The following TSPAN4 variants were observed in gnomAD, a reference collection of about 807,000 sequenced individuals.
TSPAN4 encodes the protein tetraspanin 4.
A neutral mutation model predicts 31.5 loss-of-function variants in TSPAN4; 38 were observed. The ratio of observed to expected loss-of-function variants is 1.21; its 90% confidence interval spans 0.93 to 1.58. The LOEUF (loss-of-function observed/expected upper bound fraction) is 1.58. Ranked by LOEUF, TSPAN4 falls within the 40% of genes most tolerant of loss-of-function variation. The pLI is 0.00. For missense variants in TSPAN4, 330 were observed against 317.3 expected, an observed-to-expected ratio of 1.04 and a Z score of -0.30; for synonymous variants, 186 against 144.6, an observed-to-expected ratio of 1.29 and a Z score of -2.06.
chr11:857,070 C>T (rs1290821875), intron 3 of TSPAN4: 2 of 152,062 alleles, frequency 1.3e-5, no homozygotes, highest in African/African-American at 4.8e-5. Flanking sequence ...GTGACCGAGC[C>T]CGTCTGGTGA....
chr11:863,280 G>A (rs1455196348), intron 4 of TSPAN4: 1 of 152,334 alleles, frequency 6.6e-6, no homozygotes, highest in African/African-American at 2.4e-5. Flanking sequence ...AAAAGGAAAA[G>A]GGCTCCTAGA....
At position 861,568 on chromosome 11, in the gene TSPAN4, T is replaced by C. The variant is rs180908417; in HGVS notation, c.64-982T>C. Reference sequence around the variant, plus strand: ...TCTACTAAAAGTACAAAAAATTAGCTGGGCGTGGTGGCGGGCGCCTGTAGT... The same window carrying C: ...TCTACTAAAAGTACAAAAAATTAGCCGGGCGTGGTGGCGGGCGCCTGTAGT... On this transcript the variant is annotated intron_variant, in intron 3 of 8. Coordinates refer to ENST00000397397, the MANE Select transcript of TSPAN4 (RefSeq NM_003271.5). Among the ~76,000 whole-genome samples, 403 of 152,082 alleles carry C rather than the reference T, an allele frequency of 2.6e-3. 2 individuals carry two copies. The highest frequency in any genetic ancestry group is 9.3e-3 in the African/African-American group (384 of 41,500).
chr11:847,867 C>T (rs1304995770), intron 2 of TSPAN4, among the ~76,000 whole-genome samples: 2 of 152,166 alleles, frequency 1.3e-5, no homozygotes, highest in African/African-American at 4.8e-5. Context: ...CCCCTTCCAC[C>T]CCCAGCCACA....
At chr11:862,459 C>G in intron 3 of TSPAN4, 91 bp from the exon 4 acceptor site, 1 of 1,261,204 alleles carries the variant, frequency 7.9e-7, no homozygotes, top group Non-Finnish European at 1.1e-6. Flanking sequence ...GGCGGCATGG[C>G]TTTGGGCTTG....
chr11:845,323 G>A (rs951318693), intron 1 of TSPAN4, among the ~76,000 whole-genome samples: 3 of 152,192 alleles, frequency 2.0e-5, no homozygotes, highest in South Asian at 4.1e-4. Context: ...TACCCACGCC[G>A]TCCGTGTCCT....
intron 3 of TSPAN4, among the ~76,000 whole-genome samples, chr11:856,361 G>A (rs1232538691): frequency 4.0e-5 from 6 of 151,462 alleles, no homozygotes. Context: ...CCTGGGGACA[G>A]GTTCTGGGCA....
intron 3 of TSPAN4, among the ~76,000 whole-genome samples, chr11:852,247 C>G (rs1019636262): frequency 6.6e-6 from 1 of 152,156 alleles, no homozygotes; most frequent in Non-Finnish European, 1.5e-5. Context: ...CCTCAGCTTC[C>G]CGAATTGCTG....
At chr11:846,034 A>G (rs1274900925) in intron 1 of TSPAN4, among the ~76,000 whole-genome samples, 1 of 152,152 alleles carries the variant, frequency 6.6e-6, no homozygotes, top group African/African-American at 2.4e-5. Context: ...GGAAGCCCAC[A>G]GCATAGGCTG....
chr11:864,285 C>T (rs1175331870), intron 4 of TSPAN4, 152 bp from the exon 5 acceptor site: 25 of 850,348 alleles, frequency 2.9e-5, no homozygotes, highest in East Asian at 2.1e-4. Context: ...GAGGTGGGGG[C>T]GGCGTTCTGG....
rs760596142 is a variant in TSPAN4 at position 864,515 on chromosome 11, C to T, written c.330+4C>T. ...CTTCTTCGCCTACACGGACAAGGTA[C>T]GGCTGCCTTGGCCGCAGGCCCAACT... On this transcript the variant is annotated splice_donor_region_variant and intron_variant, in intron 5 of 8. Coordinates refer to ENST00000397397, the MANE Select transcript of TSPAN4 (RefSeq NM_003271.5). 2.0e-5 allele frequency: 33 copies of T among 1,611,782 alleles called. No homozygotes were observed. Among genetic ancestry groups the T allele is most frequent in the East Asian group, 1.6e-4 (7 of 44,890 alleles).
At chr11:862,281 G>A in intron 3 of TSPAN4, 2 of 510,406 alleles carry the variant, frequency 3.9e-6, no homozygotes, top group Non-Finnish European at 3.5e-6. Context: ...CCTCCTAGAG[G>A]GAGTGGTTCA....
chr11:865,927 G>GA lies in TSPAN4; in HGVS notation c.575dup (p.Thr193AspfsTer192). 6.2e-7 allele frequency: 1 copy of GA among 1,613,166 alleles called. No homozygotes were observed. Among genetic ancestry groups the GA allele is most frequent in the Non-Finnish European group, 8.5e-7 (1 of 1,179,994 alleles). ...ACATCCCTCCCTGCAGCCGTGCTAC[G>GA]AGACGGTGAAGGTGTGGCTTCAGGA... is the stretch of plus-strand genomic sequence containing the variant. On this transcript the variant is annotated frameshift_variant, in exon 8 of 9. Transcript: ENST00000397397. LOFTEE classifies it high-confidence loss of function.
At chr11:843,329 G>A (rs1222710307) in intron 1 of TSPAN4, 3 of 152,254 alleles carry the variant, frequency 2.0e-5, no homozygotes, top group Non-Finnish European at 4.4e-5. Flanking sequence ...AATGGGGTCG[G>A]GGTGCGCCCT....
chr11:846,066 ACCT>A (rs1847306903), intron 1 of TSPAN4, among the ~76,000 whole-genome samples: 4 of 151,968 alleles, frequency 2.6e-5, no homozygotes, highest in Admixed American at 2.6e-4. Context: ...GGGCCTCCCT[ACCT>A]CCTCAAAGCT....
At chr11:866,241 C>T (rs771186649) in intron 8 of TSPAN4, among the ~76,000 whole-genome samples, 5 of 150,806 alleles carry the variant, frequency 3.3e-5, no homozygotes, top group Non-Finnish European at 5.9e-5. Flanking sequence ...CCATGTTGGT[C>T]GGTGGCCCAG....
intron 3 of TSPAN4, 87 bp from the exon 4 acceptor site, chr11:862,463 G>C: frequency 7.8e-7 from 1 of 1,283,196 alleles, no homozygotes; most frequent in Non-Finnish European, 1.1e-6. Flanking sequence ...GCATGGCTTT[G>C]GGCTTGTGGG....
At chr11:862,522 C>G (rs1565145059) in intron 3 of TSPAN4, 28 bp from the exon 4 acceptor site, 2 of 1,578,510 alleles carry the variant, frequency 1.3e-6, no homozygotes, top group Admixed American at 3.5e-5. Context: ...CTCACCCTGT[C>G]TGTGTCTCTC....
intron 3 of TSPAN4, 70 bp from the exon 4 acceptor site, chr11:862,480 T>C (rs1848510583): frequency 1.4e-6 from 2 of 1,411,136 alleles, no homozygotes; most frequent in South Asian, 1.4e-5. Context: ...TGGGCCGGGC[T>C]CTGCCCTGGG....
At chr11:864,387 G>A (rs184609375) in intron 4 of TSPAN4, 50 bp from the exon 5 acceptor site, 215 of 1,603,774 alleles carry the variant, frequency 1.3e-4, no homozygotes, top group African/African-American at 1.5e-4. Flanking sequence ...GCTGTGGGGC[G>A]GAGGCTGTGC....
Sources: gnomAD v4.1 joint callset for allele counts (sites outside exome capture counted in the v4.1 genomes callset) on GRCh38, gnomAD v4.1.1 for gene constraint, MANE v1.5 for transcripts, NCBI Gene and HGNC (gene_info 2026-07-23, HGNC 2026-07-21) for gene names.